CDK8: variants seen among roughly 807,000 people sequenced by gnomAD.
CDK8 encodes cyclin-dependent kinase 8.
CDK8 carries 29 observed loss-of-function variants against 71.5 expected under a neutral mutation model. The ratio of observed to expected loss-of-function variants is 0.41; its 90% confidence interval spans 0.30 to 0.55. The LOEUF (loss-of-function observed/expected upper bound fraction) is 0.55, where lower values mean the gene tolerates loss of function less well. Ranked by LOEUF, CDK8 falls within the 20% of genes least tolerant of loss-of-function variation. The pLI, the probability that CDK8 is intolerant of heterozygous loss-of-function variation, is 0.37. For synonymous variants in CDK8, 161 were observed against 192.1 expected (o/e 0.84, Z 1.34); for missense variants, 288 against 572.6 (o/e 0.50, Z 5.07).
intron 4 of CDK8, among the ~76,000 whole-genome samples, chr13:26,374,425 C>T (rs1166282117): frequency 1.3e-5 from 2 of 151,976 alleles, no homozygotes; most frequent in Non-Finnish European, 2.9e-5. Flanking sequence ...CATATTTAGT[C>T]CAGCTACAGC....
intron 6 of CDK8, among the ~76,000 whole-genome samples, chr13:26,392,614 C>CCACA (rs2138061624): frequency 6.6e-6 from 1 of 152,288 alleles, no homozygotes; most frequent in South Asian, 2.1e-4. Flanking sequence ...GCATGAGCCA[C>CCACA]CACACCCGGC....
intron 7 of CDK8, among the ~76,000 whole-genome samples, chr13:26,394,058 CAG>C (rs748575033): frequency 2.2e-4 from 34 of 152,132 alleles, no homozygotes; most frequent in Non-Finnish European, 3.8e-4. Context: ...TGTTTTGCAA[CAG>C]AGAGATGGTT....
intron 1 of CDK8, among the ~76,000 whole-genome samples, chr13:26,329,692 C>T (rs990785090): frequency 4.0e-5 from 6 of 151,846 alleles, no homozygotes; most frequent in South Asian, 2.1e-4. Context: ...TTTGTACAGA[C>T]GGGGTTTTGC....
intron 1 of CDK8, among the ~76,000 whole-genome samples, chr13:26,304,395 C>T (rs9319291): frequency 0.11 from 16,487 of 151,756 alleles, 2,643 homozygotes; most frequent in African/African-American, 0.35. Flanking sequence ...ATCTTTCATG[C>T]TTTCTATTTA....
At chr13:26,333,159 G>C (rs775438558) in intron 1 of CDK8, among the ~76,000 whole-genome samples, 3 of 148,970 alleles carry the variant, frequency 2.0e-5, no homozygotes, top group Non-Finnish European at 4.4e-5. Context: ...TTTTTTTTGA[G>C]ACTCAGTCTC....
chr13:26,319,332 G>T (rs1413412382), intron 1 of CDK8, among the ~76,000 whole-genome samples: 1 of 152,084 alleles, frequency 6.6e-6, no homozygotes, highest in African/African-American at 2.4e-5. Context: ...AGCTGGGCGT[G>T]GTGGCGGATG....
At chr13:26,358,160 A>G (rs911052750) in intron 4 of CDK8, among the ~76,000 whole-genome samples, 2 of 152,056 alleles carry the variant, frequency 1.3e-5, no homozygotes, top group African/African-American at 4.8e-5. Context: ...TTAGCTGGGC[A>G]TGGTGGCGGG....
chr13:26,332,497 A>ATATATG (rs1245749572), intron 1 of CDK8, among the ~76,000 whole-genome samples: 2 of 150,940 alleles, frequency 1.3e-5, no homozygotes, highest in Non-Finnish European at 3.0e-5. Flanking sequence ...ACATATATAT[A>ATATATG]TATATAAAAT....
intron 4 of CDK8, among the ~76,000 whole-genome samples, chr13:26,376,677 G>C (rs1254444684): frequency 6.6e-6 from 1 of 152,080 alleles, no homozygotes; most frequent in African/African-American, 2.4e-5. Context: ...GAAAATAGAA[G>C]GTTCTATCCC....
At chr13:26,312,729 G>A (rs1297454115) in intron 1 of CDK8, among the ~76,000 whole-genome samples, 2 of 152,108 alleles carry the variant, frequency 1.3e-5, no homozygotes, top group Non-Finnish European at 2.9e-5. Flanking sequence ...GGCACAGAGG[G>A]GTGTCTCCTT....
At chr13:26,291,945 G>T (rs548944110) in intron 1 of CDK8, among the ~76,000 whole-genome samples, 24 of 152,258 alleles carry the variant, frequency 1.6e-4, no homozygotes, top group African/African-American at 5.5e-4. Context: ...TTGAAAGGGA[G>T]TGAATGGAAG....
intron 12 of CDK8, among the ~76,000 whole-genome samples, chr13:26,402,477 AAG>A (rs767531958): frequency 6.6e-6 from 1 of 152,220 alleles, no homozygotes; most frequent in Non-Finnish European, 1.5e-5. Context: ...CACAAAAAAA[AAG>A]AGAGAGAGAA....
chr13:26,267,005 A>G (rs939999599), intron 1 of CDK8, among the ~76,000 whole-genome samples: 1 of 152,206 alleles, frequency 6.6e-6, no homozygotes, highest in African/African-American at 2.4e-5. Context: ...TTTCCAGATG[A>G]CTTTGAATAT....
chr13:26,337,595 C>A lies in CDK8; in HGVS notation c.157C>A (p.Gln53Lys). The A allele has an allele frequency of 6.8e-7, 1 of 1,461,076 alleles. No individual in the cohort carries two copies. Among genetic ancestry groups the A allele is most frequent in the East Asian group, 2.5e-5 (1 of 40,064 alleles). 90.5% of individuals were successfully genotyped at this position (1,461,076 alleles called of 1,614,324 possible). A position where few individuals can be genotyped will look rare whatever the true frequency, so the allele number is the denominator to read the frequency against. ...GKDDKDYALKQIEGTGISMSA... is the reference protein window; with the variant it reads ...GKDDKDYALKKIEGTGISMSA... ...GGATGATAAAGACTATGCTTTAAAA[C>A]AAATAGAAGGAACTGGGATCTCTAT... is the stretch of plus-strand genomic sequence containing the variant. The change falls in exon 2 of 13, where the codon CAA (glutamine) becomes AAA (lysine). Residue 53 changes from glutamine (Q) to lysine (K), a missense_variant. By Grantham distance (53) the Gln-to-Lys change is moderately conservative. Transcript: ENST00000381527.
At chr13:26,263,674 A>C (rs1202498021) in intron 1 of CDK8, among the ~76,000 whole-genome samples, 1 of 145,148 alleles carries the variant, frequency 6.9e-6, no homozygotes, top group Non-Finnish European at 1.5e-5. Context: ...TTCTGACCTT[A>C]GGGATCCGCC....
chr13:26,312,322 A>G (rs1177324964), intron 1 of CDK8, among the ~76,000 whole-genome samples: 2 of 152,184 alleles, frequency 1.3e-5, no homozygotes, highest in African/African-American at 4.8e-5. Context: ...CCCCTTCCAC[A>G]CTGTGGAAGC....
intron 1 of CDK8, among the ~76,000 whole-genome samples, chr13:26,318,249 A>G (rs1278764919): frequency 1.3e-5 from 2 of 152,154 alleles, no homozygotes; most frequent in Non-Finnish European, 2.9e-5. Flanking sequence ...GAAGAAATAG[A>G]AAATCTGACT....
At chr13:26,291,721 A>T (rs1873314372) in intron 1 of CDK8, among the ~76,000 whole-genome samples, 1 of 152,204 alleles carries the variant, frequency 6.6e-6, no homozygotes, top group Non-Finnish European at 1.5e-5. Context: ...ATCATGGTAC[A>T]TGAATGATTT....
At chr13:26,293,138 T>C (rs963430660) in intron 1 of CDK8, among the ~76,000 whole-genome samples, 3 of 152,240 alleles carry the variant, frequency 2.0e-5, no homozygotes, top group African/African-American at 7.2e-5. Flanking sequence ...TTTGTTTCTC[T>C]AGATTCTTAG....
Sources: gnomAD v4.1 joint callset for allele counts (sites outside exome capture counted in the v4.1 genomes callset) on GRCh38, gnomAD v4.1.1 for gene constraint, MANE v1.5 for transcripts, NCBI Gene and HGNC (gene_info 2026-07-23, HGNC 2026-07-21) for gene names.